Variants in SEMA3D observed in about 807,000 individuals in gnomAD.
The protein encoded by SEMA3D is semaphorin 3D.
In SEMA3D, 84 loss-of-function variants were observed where a neutral mutation model predicts 100.1. That is an observed-to-expected ratio of 0.84 (90% CI 0.70 to 1.01). The LOEUF (loss-of-function observed/expected upper bound fraction) is 1.01, where lower values mean the gene tolerates loss of function less well. Ranked by LOEUF, SEMA3D falls within the 50% of genes least tolerant of loss-of-function variation. The probability of loss-of-function intolerance (pLI) is 0.00; values close to 1 mark genes in which losing one functional copy is unlikely to be tolerated. For missense variants in SEMA3D, 875 were observed against 934.1 expected, an observed-to-expected ratio of 0.94 and a Z score of 0.82; for synonymous variants, 312 against 320.7, an observed-to-expected ratio of 0.97 and a Z score of 0.29.
intron 5 of SEMA3D, among the ~76,000 whole-genome samples, chr7:85,077,116 A>C (rs1791948697): frequency 6.6e-6 from 1 of 151,376 alleles, no homozygotes; most frequent in Non-Finnish European, 1.5e-5. Context: ...AAAAAAAAAA[A>C]AAAAAACTTT....
At chr7:85,236,807 A>AAATAAGCTC in the SEMA3D span, among the ~76,000 whole-genome samples, 6 of 152,202 alleles carry the variant, frequency 3.9e-5, no homozygotes, top group Non-Finnish European at 7.3e-5. Context: ...ATTAAGCCAG[A>AAATAAGCTC]TAATGTATCA....
At chr7:85,151,571 G>A (rs1790419512) in intron 2 of SEMA3D, 1 of 898,626 alleles carries the variant, frequency 1.1e-6, no homozygotes, top group South Asian at 5.2e-5. Context: ...GAGCACCGTA[G>A]TTGATGTGTG....
rs1465602562 is a variant in SEMA3D at position 85,012,775 on chromosome 7, T to G, written c.1768+7A>C. 2.5e-6 allele frequency: 4 copies of G among 1,605,024 alleles called. No homozygotes were observed. In the African/African-American group the frequency reaches 5.4e-5, roughly 22 times the overall value. ...TGGGAGAAAAAGCATATCAGAGCTG[T>G]ACTTACTGTCTTCGATGTCCCAGCA... On this transcript the variant is annotated splice_region_variant and intron_variant, in intron 17 of 18. Transcript: ENST00000284136.
At chr7:85,220,572 T>C in the SEMA3D span, among the ~76,000 whole-genome samples, 2 of 152,024 alleles carry the variant, frequency 1.3e-5, no homozygotes, top group Admixed American at 1.3e-4. Flanking sequence ...CTGTGTAATT[T>C]TGGGCAGCTA....
Position 84,999,452 on chromosome 7 carries a change from A to G in SEMA3D, c.2322T>C (p.Ala774=). The G allele has an allele frequency of 1.2e-6, 2 of 1,613,280 alleles. No homozygotes were observed. The highest frequency in any genetic ancestry group is 8.5e-7 in the Non-Finnish European group (1 of 1,179,566). ...ATTAAGTAGAAAACTACGTGGCTAC[A>G]GCTCTAGGGAGCTCATCCAGGTCTC... is the stretch of plus-strand genomic sequence containing the variant. ...HHRDLDELPR[A]VAT is the part of the protein sequence containing the mutation. Residue 774 remains alanine, a synonymous_variant, in exon 19 of 19, where the codon GCT becomes GCC. Coordinates refer to ENST00000284136, the MANE Select transcript of SEMA3D (RefSeq NM_001384900.1).
chr7:85,094,127 AAG>A (rs1230924407), intron 4 of SEMA3D, among the ~76,000 whole-genome samples: 1 of 152,000 alleles, frequency 6.6e-6, no homozygotes, highest in African/African-American at 2.4e-5. Flanking sequence ...GTAAAGGAGA[AAG>A]AGAGGGTGGG....
At chr7:85,224,137 A>T in the SEMA3D span, among the ~76,000 whole-genome samples, 23,225 of 152,136 alleles carry the variant, frequency 0.15, 4,104 homozygotes, top group African/African-American at 0.43. Context: ...TACATTATTT[A>T]CTTAGAAGAG....
Position 85,051,788 on chromosome 7 carries a change from C to T in SEMA3D, c.861+3929G>A, listed in dbSNP as rs1279653238. Among the ~76,000 whole-genome samples, 27 of 151,886 alleles carry T rather than the reference C, an allele frequency of 1.8e-4. No individual in the cohort carries two copies. The Admixed American group carries it at 1.8e-3, about 10-fold the overall frequency. ...TTTACCATCTCATATCAAAATATAT[C>T]TCTTTGCACATGTTCCTGGTCCATG... On this transcript the variant is annotated intron_variant, in intron 9 of 18. Coordinates refer to ENST00000284136, the MANE Select transcript of SEMA3D (RefSeq NM_001384900.1).
chr7:85,221,636 T>G, the SEMA3D span, among the ~76,000 whole-genome samples: 3 of 152,062 alleles, frequency 2.0e-5, no homozygotes, highest in Non-Finnish European at 4.4e-5. Flanking sequence ...GTCACTCACA[T>G]GAATCATACA....
chr7:85,042,131 A>C (rs1338185790), intron 10 of SEMA3D, 40 bp downstream of exon 10: 2 of 1,329,484 alleles, frequency 1.5e-6, no homozygotes, highest in Admixed American at 3.4e-5. Flanking sequence ...TTAATTAGGC[A>C]GTAAGGCCTT....
At chr7:85,057,102 C>T (rs1230295857) in intron 8 of SEMA3D, among the ~76,000 whole-genome samples, 2 of 151,858 alleles carry the variant, frequency 1.3e-5, no homozygotes, top group Non-Finnish European at 2.9e-5. Flanking sequence ...TTTAGTAGAT[C>T]TGTAGGTACT....
chr7:85,027,532 T>C (rs1285308985), intron 12 of SEMA3D, among the ~76,000 whole-genome samples: 1 of 152,020 alleles, frequency 6.6e-6, no homozygotes, highest in African/African-American at 2.4e-5. Context: ...TTGAAAATAT[T>C]TTTTTCTTAA....
chr7:85,001,415 T>G (rs1291602893), intron 18 of SEMA3D, among the ~76,000 whole-genome samples: 1 of 152,208 alleles, frequency 6.6e-6, no homozygotes, highest in East Asian at 1.9e-4. Context: ...TTAATTTACA[T>G]TCTCAGAAAC....
At chr7:85,213,541 C>G in the SEMA3D span, among the ~76,000 whole-genome samples, 1 of 151,962 alleles carries the variant, frequency 6.6e-6, no homozygotes, top group African/African-American at 2.4e-5. Context: ...CTCTTAAATT[C>G]TGTATCTCCA....
At chr7:85,139,495 A>G (rs1056219480) in intron 2 of SEMA3D, among the ~76,000 whole-genome samples, 37 of 152,240 alleles carry the variant, frequency 2.4e-4, no homozygotes, top group Admixed American at 2.2e-3. Flanking sequence ...AGCATCCTGA[A>G]ATCCATGTAA....
intron 2 of SEMA3D, chr7:85,151,515 C>T (rs1790385648): frequency 3.9e-6 from 2 of 516,614 alleles, no homozygotes; most frequent in Non-Finnish European, 5.0e-6. Flanking sequence ...AGTTCTTAAT[C>T]AGAACTAGGG....
intron 1 of SEMA3D, chr7:85,167,170 C>G (rs1790928655): frequency 1.8e-6 from 1 of 570,266 alleles, no homozygotes; most frequent in Admixed American, 6.4e-5. Flanking sequence ...TTTCATCATG[C>G]AGGGAGCTAT....
the SEMA3D span, among the ~76,000 whole-genome samples, chr7:85,240,663 G>C: frequency 6.6e-6 from 1 of 152,122 alleles, no homozygotes; most frequent in Non-Finnish European, 1.5e-5. Flanking sequence ...TTGATTAAAT[G>C]TTTTAAAAGA....
At chr7:85,020,856 C>A (rs1263479576) in intron 13 of SEMA3D, among the ~76,000 whole-genome samples, 2 of 151,388 alleles carry the variant, frequency 1.3e-5, no homozygotes, top group African/African-American at 2.4e-5. Context: ...TCTTCAGAAT[C>A]CTTATTAATA....
Sources: gnomAD v4.1 joint callset for allele counts (sites outside exome capture counted in the v4.1 genomes callset) on GRCh38, gnomAD v4.1.1 for gene constraint, MANE v1.5 for transcripts, NCBI Gene and HGNC (gene_info 2026-07-23, HGNC 2026-07-21) for gene names.